Variants in PPP6C observed in about 807,000 individuals in gnomAD.
PPP6C encodes the protein serine/threonine-protein phosphatase 6 catalytic subunit.
A neutral mutation model predicts 39.8 loss-of-function variants in PPP6C; 11 were observed. The ratio of observed to expected loss-of-function variants is 0.28; its 90% CI spans 0.17 to 0.46. The LOEUF (loss-of-function observed/expected upper bound fraction) is 0.46, where lower values mean the gene tolerates loss of function less well. Ranked by LOEUF, PPP6C falls within the 20% of genes least tolerant of loss-of-function variation. PPP6C has a pLI of 1.00. For missense variants in PPP6C, 211 were observed against 373.9 expected, an observed-to-expected ratio of 0.56 and a Z score of 3.59; for synonymous variants, 129 against 130.3, an observed-to-expected ratio of 0.99 and a Z score of 0.07.
rs143283068 is a variant in PPP6C, at chr9:125,158,323, T to C, written c.297A>G (p.Leu99=). 7.3e-5 allele frequency: 117 copies of C among 1,612,494 alleles called. No homozygotes were observed. Among genetic ancestry groups the C allele is most frequent in the Non-Finnish European group, 9.0e-5 (106 of 1,178,656 alleles). ...SLETFTYLLA[L]KAKWPDRITL... The stretch of plus-strand genomic sequence containing the variant: ...TAATACGATCAGGCCATTTAGCCTT[T>C]AATGCAAGAAGGTAAGTGAAGGTCT... The change falls in exon 4 of 7, where the codon TTA becomes TTG. Residue 99 remains leucine, a synonymous_variant. Transcript: ENST00000373547.
intron 2 of PPP6C, among the ~76,000 whole-genome samples, chr9:125,168,679 G>A (rs564859925): frequency 6.6e-5 from 10 of 151,764 alleles, no homozygotes; most frequent in Admixed American, 2.6e-4. Context: ...GGATGGTCTC[G>A]ATCTCTTGCC....
chr9:125,158,345 G>A lies in PPP6C; in HGVS notation c.275C>T (p.Thr92Ile), dbSNP rs756846788. 6.2e-7 allele frequency: 1 copy of A among 1,613,506 alleles called. No homozygotes were observed. Among genetic ancestry groups the A allele is most frequent in the African/African-American group, 1.3e-5 (1 of 75,016 alleles). The change falls in exon 4 of 7, where the codon ACC becomes ATC. Residue 92 changes from threonine (T) to isoleucine (I), a missense_variant. Thr to Ile is a moderately conservative substitution (Grantham distance 89). Around this residue, in one of 2 missense-constraint regions of PPP6C, gnomAD observed 168 missense variants for 342.6 expected, o/e 0.49. Coordinates refer to ENST00000373547, the MANE Select transcript of PPP6C (RefSeq NM_002721.5). ...CTTTAATGCAAGAAGGTAAGTGAAG[G>A]TCTCCAAACTATAGTAACCTCTGTC... is the stretch of plus-strand genomic sequence containing the variant. ...FVDRGYYSLE[T>I]FTYLLALKAK...
rs1485623776 is a variant in PPP6C, at chr9:125,147,337, T to C, written c.*2336A>G. 6.6e-6 allele frequency: 1 copy of C among 152,180 alleles called. No individual in the cohort carries two copies. Among genetic ancestry groups the C allele is most frequent in the African/African-American group, 2.4e-5 (1 of 41,428 alleles). 9.4% of individuals were successfully genotyped at this position (152,180 alleles called of 1,614,324 possible). ...TAAGGGATTTTACATTCAGCCTAGA[T>C]ATAGGGAGTAACAAATCCTCCTGCC... is the stretch of plus-strand genomic sequence containing the variant. On this transcript the variant is annotated 3_prime_UTR_variant, in exon 7 of 7. Coordinates refer to ENST00000373547, the MANE Select transcript of PPP6C (RefSeq NM_002721.5).
intron 1 of PPP6C, among the ~76,000 whole-genome samples, chr9:125,173,963 A>C (rs948059994): frequency 3.9e-5 from 6 of 152,222 alleles, no homozygotes; most frequent in African/African-American, 1.4e-4. Flanking sequence ...CACTTCAAAA[A>C]TATTTGTCCA....
At chr9:125,183,964 A>G (rs1829470395) in intron 1 of PPP6C, among the ~76,000 whole-genome samples, 2 of 152,220 alleles carry the variant, frequency 1.3e-5, no homozygotes, top group Admixed American at 1.3e-4. Context: ...AACCATGTAA[A>G]TAAGTGTTTG....
At chr9:125,181,195 C>T (rs1829414320) in intron 1 of PPP6C, among the ~76,000 whole-genome samples, 1 of 152,180 alleles carries the variant, frequency 6.6e-6, no homozygotes, top group Non-Finnish European at 1.5e-5. Context: ...AAGAGCCCTG[C>T]CTTGTCATCA....
intron 1 of PPP6C, among the ~76,000 whole-genome samples, chr9:125,189,161 C>A (rs1331658904): frequency 1.3e-5 from 2 of 152,222 alleles, no homozygotes; most frequent in Non-Finnish European, 2.9e-5. Flanking sequence ...GGCCCACCGC[C>A]TTCCCCTTCC....
Position 125,180,181 on chromosome 9 carries a change from AAAT to A in PPP6C, c.76-9004_76-9002del, listed in dbSNP as rs202076286. Among the ~76,000 whole-genome samples the A allele has an allele frequency of 1.3e-3, 203 of 152,206 alleles. 3 individuals carry two copies. The East Asian group carries it at 0.02, about 15-fold the overall frequency. ...CCCACAGCCCTATGTATTACCTCAT[AAAT>A]AATAATAATCACAACCTTGACCACA... On this transcript the variant is annotated intron_variant, in intron 1 of 6. Transcript: ENST00000373547.
intron 4 of PPP6C, among the ~76,000 whole-genome samples, 168 bp from the exon 5 acceptor site, chr9:125,154,153 C>T (rs986943281): frequency 9.8e-5 from 15 of 152,308 alleles, no homozygotes; most frequent in African/African-American, 3.4e-4. Context: ...GCCAAAAGAA[C>T]GCTAGTGACT....
In PPP6C at chr9:125,148,792, A is replaced by G. The variant is rs984718058; in HGVS notation, c.*881T>C. ...ATTAAATGTTTTTCTATTACTATAG[A>G]GGATATAAACCAAAACATTAATATG... is the stretch of plus-strand genomic sequence containing the variant. On this transcript the variant is annotated 3_prime_UTR_variant, in exon 7 of 7. Coordinates refer to ENST00000373547, the MANE Select transcript of PPP6C (RefSeq NM_002721.5). 11 of 152,242 alleles carry G rather than the reference A, an allele frequency of 7.2e-5. No homozygotes were observed. The highest frequency in any genetic ancestry group is 2.7e-4 in the African/African-American group (11 of 41,466). 9.4% of individuals were successfully genotyped at this position (152,242 alleles called of 1,614,324 possible).
At position 125,153,683 on chromosome 9, in the gene PPP6C, C is replaced by T. The variant is rs1836004083; in HGVS notation, c.519G>A (p.Leu173=). ...HGGLSPDIKT[L]DQIRTIERNQ... The stretch of plus-strand genomic sequence containing the variant: ...TCCGTTCGATGGTTCGAATTTGATC[C>T]AGTGTTTTGATATCAGGAGATAAAC... The change falls in exon 6 of 7, where the codon CTG becomes CTA. Residue 173 remains leucine, a synonymous_variant. Transcript: ENST00000373547. 6 of 1,614,096 alleles carry T rather than the reference C, an allele frequency of 3.7e-6. No homozygotes were observed. The highest frequency in any genetic ancestry group is 5.1e-6 in the Non-Finnish European group (6 of 1,180,002).
At chr9:125,174,633 G>T (rs1321564060) in intron 1 of PPP6C, among the ~76,000 whole-genome samples, 1 of 152,000 alleles carries the variant, frequency 6.6e-6, no homozygotes, top group African/African-American at 2.4e-5. Context: ...AAACAGGCCA[G>T]CCGTGGTGGC....
chr9:125,149,311 CA>C lies in PPP6C; in HGVS notation c.*361del. On this transcript the variant is annotated 3_prime_UTR_variant, in exon 7 of 7. Coordinates refer to ENST00000373547, the MANE Select transcript of PPP6C (RefSeq NM_002721.5). ...AACTAAAACAAAAGGCTGAATGATA[CA>C]AAAGGAGGAGTATTTAGGTGTAATC... 1 of 171,396 alleles carries C rather than the reference CA, an allele frequency of 5.8e-6. No individual in the cohort carries two copies. The highest frequency in any genetic ancestry group is 6.1e-5 in the Admixed American group (1 of 16,522). The allele number at this position is 171,396 out of a possible 1,614,324, so 10.6% of individuals were successfully genotyped here. A position where few individuals can be genotyped will look rare whatever the true frequency, so the allele number is the denominator to read the frequency against.
chr9:125,183,845 T>C (rs912112613), intron 1 of PPP6C, among the ~76,000 whole-genome samples: 2 of 152,158 alleles, frequency 1.3e-5, no homozygotes, highest in African/African-American at 4.8e-5. Flanking sequence ...TCTATTACAG[T>C]CTTTGTTTAC....
chr9:125,158,837 G>A (rs1164777242), intron 3 of PPP6C, among the ~76,000 whole-genome samples: 1 of 151,450 alleles, frequency 6.6e-6, no homozygotes, highest in Non-Finnish European at 1.5e-5. Flanking sequence ...GCTGATTTTT[G>A]TATTTTTTGT....
intron 6 of PPP6C, among the ~76,000 whole-genome samples, chr9:125,152,357 A>C (rs1448852177): frequency 3.3e-5 from 5 of 152,170 alleles, no homozygotes; most frequent in African/African-American, 1.2e-4. Context: ...GTAATCGCTA[A>C]CATTCACATT....
In PPP6C at chr9:125,178,572, G is replaced by C. The variant is rs186968137; in HGVS notation, c.76-7392C>G. Among the ~76,000 whole-genome samples the C allele has an allele frequency of 2.0e-5, 3 of 152,156 alleles. No homozygotes were observed. In the East Asian group the frequency reaches 5.8e-4, roughly 29 times the overall value. ...GCTACAGTGAGGAAATCTTAGTTAAGAAACCACTATGATACTTCCAGGTAT... is the reference window on the plus strand; with the variant it reads ...GCTACAGTGAGGAAATCTTAGTTAACAAACCACTATGATACTTCCAGGTAT... On this transcript the variant is annotated intron_variant, in intron 1 of 6. Transcript: ENST00000373547.
intron 2 of PPP6C, among the ~76,000 whole-genome samples, chr9:125,164,339 GC>G (rs900816309): frequency 2.8e-5 from 4 of 143,494 alleles, no homozygotes; most frequent in African/African-American, 1.0e-4. Flanking sequence ...CAATCCTCCT[GC>G]CTCAGCCTCC....
chr9:125,184,458 G>A (rs1015001266), intron 1 of PPP6C, among the ~76,000 whole-genome samples: 11 of 151,938 alleles, frequency 7.2e-5, no homozygotes, highest in African/African-American at 2.7e-4. Flanking sequence ...TTTTGAGGCT[G>A]AGGCAGAAGG....
Sources: gnomAD v4.1 joint callset for allele counts (sites outside exome capture counted in the v4.1 genomes callset) on GRCh38, gnomAD v4.1.1 for gene constraint, gnomAD v4.1.1 regional missense constraint, MANE v1.5 for transcripts, NCBI Gene and HGNC (gene_info 2026-07-23, HGNC 2026-07-21) for gene names.